Variants in FOXJ2 observed in about 807,000 individuals in gnomAD.
FOXJ2 encodes forkhead box J2, also known as forkhead box protein J2.
Under a neutral mutation model 68.4 loss-of-function variants are expected in FOXJ2, and 18 were observed. The ratio of observed to expected loss-of-function variants is 0.26; its 90% CI spans 0.18 to 0.39. The LOEUF is 0.39. FOXJ2 is among the 10% of genes least tolerant of loss of function. FOXJ2 has a pLI of 1.00. For synonymous variants in FOXJ2, 274 were observed against 263.2 expected (o/e 1.04, Z -0.40); for missense variants, 670 against 726.5 (o/e 0.92, Z 0.89).
In FOXJ2 at chr12:8,038,972, C is replaced by G. The variant is rs763622512; in HGVS notation, c.-14-847C>G. Among the ~76,000 whole-genome samples the G allele has an allele frequency of 6.6e-6, 1 of 152,122 alleles. No homozygotes were observed. The highest frequency in any genetic ancestry group is 1.5e-5 in the Non-Finnish European group (1 of 68,024). On this transcript the variant is annotated intron_variant, in intron 1 of 10. Transcript: ENST00000162391. This position sits in a 1 kb window ranked among gnomAD's most constrained non-coding sequence, Gnocchi z 5.3. ...CACACAGCTGGGTGTCTCCCTGGCT[C>G]GGTGAAGCCCAGCAGGCTGAGAGGT...
chr12:8,051,270 C>G (rs1947123390), intron 10 of FOXJ2, among the ~76,000 whole-genome samples: 1 of 151,778 alleles, frequency 6.6e-6, no homozygotes, highest in Admixed American at 6.6e-5. Context: ...GCTGGGACTA[C>G]AGACCCACAC....
intron 6 of FOXJ2, among the ~76,000 whole-genome samples, chr12:8,046,695 CAGT>C (rs1247297148): frequency 6.6e-6 from 1 of 152,178 alleles, no homozygotes; most frequent in African/African-American, 2.4e-5. Flanking sequence ...AACTTAGAGA[CAGT>C]GGTGAAGTTG....
intron 5 of FOXJ2, 144 bp downstream of exon 5, chr12:8,044,235 T>TAG (rs375890905): frequency 9.6e-6 from 10 of 1,041,932 alleles, no homozygotes; most frequent in African/African-American, 3.3e-5. Context: ...AAGAGGGAAA[T>TAG]AGAGAGAGAG....
Position 8,050,326 on chromosome 12 carries a change from C to T in FOXJ2, c.1538-196C>T, listed in dbSNP as rs772330000. ...ATATCTTTCCTATTTCACAATTGTA[C>T]TATCCATTTCTTTTTACCCTCAGTG... On this transcript the variant is annotated intron_variant, in intron 9 of 10. Coordinates refer to ENST00000162391, the MANE Select transcript of FOXJ2 (RefSeq NM_018416.3). 88 of 1,344,904 alleles carry T rather than the reference C, an allele frequency of 6.5e-5. 1 individual carries two copies. The South Asian group carries it at 1.7e-3, about 27-fold the overall frequency. 83.3% of individuals were successfully genotyped at this position (1,344,904 alleles called of 1,614,324 possible).
rs1193965300 is a variant in FOXJ2 at position 8,035,642 on chromosome 12, A to T, written c.-15+1809A>T. 6.6e-6 allele frequency among the ~76,000 whole-genome samples: 1 copy of T among 152,164 alleles called. No individual in the cohort carries two copies. The highest frequency in any genetic ancestry group is 1.9e-4 in the East Asian group (1 of 5,200). On this transcript the variant is annotated intron_variant, in intron 1 of 10. Transcript: ENST00000162391. This position sits in a 1 kb window ranked among gnomAD's most constrained non-coding sequence, Gnocchi z 4.0. The stretch of plus-strand genomic sequence containing the variant: ...ATGGCTCAGGGTGAACTATATCACA[A>T]CATCTCCAAGTACACCACCGCCACG...
chr12:8,042,844 T>C (rs1946982857), intron 3 of FOXJ2, 112 bp downstream of exon 3: 3 of 861,002 alleles, frequency 3.5e-6, no homozygotes, highest in Non-Finnish European at 5.6e-6. Flanking sequence ...TCATGCTAAT[T>C]AGAGAAGCAT....
intron 6 of FOXJ2, among the ~76,000 whole-genome samples, chr12:8,046,054 C>T (rs1947033173): frequency 6.6e-6 from 1 of 152,176 alleles, no homozygotes; most frequent in South Asian, 2.1e-4. Context: ...CTCATCTGTC[C>T]TTGTGCAAAT....
At chr12:8,044,200 A>G (rs2121336923) in intron 5 of FOXJ2, 109 bp downstream of exon 5, 2 of 1,296,090 alleles carry the variant, frequency 1.5e-6, no homozygotes, top group Non-Finnish European at 2.0e-6. Flanking sequence ...TGAGGCAGAT[A>G]AATTGAGAAG....
In FOXJ2 at chr12:8,044,776, A is replaced by C. The variant is rs1239817046; in HGVS notation, c.635A>C (p.Asp212Ala). 6.2e-7 allele frequency: 1 copy of C among 1,613,740 alleles called. No individual in the cohort carries two copies. Among genetic ancestry groups the C allele is most frequent in the Non-Finnish European group, 8.5e-7 (1 of 1,179,850 alleles). The change falls in exon 6 of 11, where the codon GAT (aspartate) becomes GCT (alanine). Residue 212 changes from aspartate to alanine, a missense_variant. Physicochemically the swap from Asp to Ala is moderately radical, Grantham distance 126. Around this residue, in one of 2 missense-constraint regions of FOXJ2, gnomAD observed 555 missense variants for 562.2 expected, o/e 0.99. Transcript: ENST00000162391. ...ASYSQGTGSV[D>A]GGAVAAGASG... ...TTTTTGCAGGGCACAGGATCTGTGG[A>C]TGGTGGAGCAGTGGCAGCAGGGGCT...
At chr12:8,046,925 G>T (rs1947044966) in intron 6 of FOXJ2, among the ~76,000 whole-genome samples, 1 of 152,188 alleles carries the variant, frequency 6.6e-6, no homozygotes, top group Non-Finnish European at 1.5e-5. Flanking sequence ...TCAGGTGGTT[G>T]GTTGATTGGA....
rs1947157037 is a variant in FOXJ2, at chr12:8,053,982, T to C, written c.*1132T>C. ...ATGGGAATCTCATTCCCACCTCTCA[T>C]AGCAGAGCCAAACCTTTAGTGTTGG... is the stretch of plus-strand genomic sequence containing the variant. On this transcript the variant is annotated 3_prime_UTR_variant, in exon 11 of 11. Coordinates refer to ENST00000162391, the MANE Select transcript of FOXJ2 (RefSeq NM_018416.3). This position sits in a 1 kb window ranked among gnomAD's most constrained non-coding sequence, Gnocchi z 4.1. 6.6e-6 allele frequency: 1 copy of C among 152,186 alleles called. No homozygotes were observed. Among genetic ancestry groups the C allele is most frequent in the Admixed American group, 6.5e-5 (1 of 15,282 alleles). 9.4% of individuals were successfully genotyped at this position (152,186 alleles called of 1,614,324 possible).
At position 8,054,410 on chromosome 12, in the gene FOXJ2, T is replaced by G. The variant is rs117731193; in HGVS notation, c.*1560T>G. 2.1e-3 allele frequency: 318 copies of G among 152,370 alleles called. 1 individual carries two copies. The highest frequency in any genetic ancestry group is 3.2e-3 in the Non-Finnish European group (218 of 68,018). 9.4% of individuals were successfully genotyped at this position (152,370 alleles called of 1,614,324 possible). On this transcript the variant is annotated 3_prime_UTR_variant, in exon 11 of 11. Coordinates refer to ENST00000162391, the MANE Select transcript of FOXJ2 (RefSeq NM_018416.3). ...ATGTATGGAATAGACAAGGCCACTT[T>G]CTTTGTGATTTCTGCTTTTCATGCA...
chr12:8,039,051 G>A lies in FOXJ2; in HGVS notation c.-14-768G>A, dbSNP rs140418529. ...GGTGTTGGTGTCTGTGGGCGGGAGC[G>A]TGCAAGGGGTAGCTTAAAAAGTGTG... On this transcript the variant is annotated intron_variant, in intron 1 of 10. Coordinates refer to ENST00000162391, the MANE Select transcript of FOXJ2 (RefSeq NM_018416.3). Among the ~76,000 whole-genome samples, 65 of 152,250 alleles carry A rather than the reference G, an allele frequency of 4.3e-4. No homozygotes were observed. The East Asian group carries it at 0.012, about 28-fold the overall frequency.
At chr12:8,044,337 G>A (rs1363503950) in intron 5 of FOXJ2, among the ~76,000 whole-genome samples, 12 of 152,190 alleles carry the variant, frequency 7.9e-5, no homozygotes, top group Non-Finnish European at 1.8e-4. Context: ...CACTTTGGGA[G>A]GTCGAGGCAG....
At position 8,039,799 on chromosome 12, in the gene FOXJ2, C is replaced by T; in HGVS notation, c.-14-20C>T. On this transcript the variant is annotated intron_variant, in intron 1 of 10. Transcript: ENST00000162391. ...TTACTTGCCCCCAGTATTTTCGTCT[C>T]CTCTTTGTCTTCTCTGCAGAACCCA... is the stretch of plus-strand genomic sequence containing the variant. 1.9e-6 allele frequency: 3 copies of T among 1,583,106 alleles called. No homozygotes were observed. The highest frequency in any genetic ancestry group is 2.7e-5 in the African/African-American group (2 of 73,954).
rs770536517 is a variant in FOXJ2 at position 8,039,850 on chromosome 12, G to A, written c.18G>A (p.Glu6=). The A allele has an allele frequency of 6.2e-7, 1 of 1,613,926 alleles. No homozygotes were observed. Among genetic ancestry groups the A allele is most frequent in the Non-Finnish European group, 8.5e-7 (1 of 1,179,894 alleles). ...GAAGTACCATGGCTTCTGACCTAGA[G>A]AGTAGCCTCACCTCCATAGACTGGC... MASDL[E]SSLTSIDWLP... Residue 6 remains glutamate (E), a synonymous_variant, in exon 2 of 11, where the codon GAG becomes GAA. Transcript: ENST00000162391.
rs1336406808 is a variant in FOXJ2, at chr12:8,044,748, C to G, written c.619-12C>G. On this transcript the variant is annotated splice_polypyrimidine_tract_variant and intron_variant, in intron 5 of 10. Transcript: ENST00000162391. ...GGGACACTGATCAGGAATTTCTTAC[C>G]TGTTTTTGCAGGGCACAGGATCTGT... 2.5e-6 allele frequency: 4 copies of G among 1,613,324 alleles called. No homozygotes were observed. Among genetic ancestry groups the G allele is most frequent in the Non-Finnish European group, 3.4e-6 (4 of 1,179,804 alleles).
At position 8,048,689 on chromosome 12, in the gene FOXJ2, C is replaced by T. The variant is rs757871444; in HGVS notation, c.1226-8C>T. 1.9e-6 allele frequency: 3 copies of T among 1,612,820 alleles called. No homozygotes were observed. Among genetic ancestry groups the T allele is most frequent in the Non-Finnish European group, 2.5e-6 (3 of 1,178,870 alleles). Reference sequence around the variant, plus strand: ...ATCTTATTATCCACTTTCCCCTCCTCTTTACAGCCTTTCCTTCTGACTGGT... The same window carrying T: ...ATCTTATTATCCACTTTCCCCTCCTTTTTACAGCCTTTCCTTCTGACTGGT... On this transcript the variant is annotated splice_polypyrimidine_tract_variant and splice_region_variant and intron_variant, in intron 7 of 10. Coordinates refer to ENST00000162391, the MANE Select transcript of FOXJ2 (RefSeq NM_018416.3).
Position 8,043,760 on chromosome 12 carries a change from A to G in FOXJ2, c.468A>G (p.Pro156=), listed in dbSNP as rs765917149. The G allele has an allele frequency of 6.2e-6, 10 of 1,614,224 alleles. No individual in the cohort carries two copies. The South Asian group carries it at 9.9e-5, about 16-fold the overall frequency. ...TTTCCCGAAAGAGAAGACACCCTCCAGATGATGATGTAAGTTCCCAGCTCA... is the reference window on the plus strand; with the variant it reads ...TTTCCCGAAAGAGAAGACACCCTCCGGATGATGATGTAAGTTCCCAGCTCA... ...PDISRKRRHP[P]DDDLSQDSPE... The change falls in exon 4 of 11, where the codon CCA becomes CCG. Residue 156 remains proline (P), a synonymous_variant. Transcript: ENST00000162391.
Sources: allele counts gnomAD v4.1 joint callset (sites outside exome capture counted in the v4.1 genomes callset), GRCh38; gene constraint gnomAD v4.1.1; regional missense constraint gnomAD v4.1.1; non-coding constraint Gnocchi (gnomAD v3.1); transcripts MANE v1.5; gene names NCBI Gene and HGNC (gene_info 2026-07-23, HGNC 2026-07-21).